Variants in SYTL5 observed in about 807,000 individuals in gnomAD.
The protein encoded by SYTL5 is synaptotagmin like 5.
A neutral mutation model predicts 55.9 loss-of-function variants in SYTL5; 34 were observed. The observed-to-expected ratio is 0.61, with a 90% CI of 0.46 to 0.81. The LOEUF (loss-of-function observed/expected upper bound fraction) is 0.81, where lower values mean the gene tolerates loss of function less well. Ranked by LOEUF, SYTL5 falls within the 30% of genes least tolerant of loss-of-function variation. The probability of loss-of-function intolerance (pLI) is 0.00; values close to 1 mark genes in which losing one functional copy is unlikely to be tolerated. For synonymous variants in SYTL5, 221 were observed against 188.7 expected, an observed-to-expected ratio of 1.17 and a Z score of -1.40; for missense variants, 637 against 546.7, an observed-to-expected ratio of 1.17 and a Z score of -1.65.
At chrX:37,979,528 A>T in the SYTL5 span, among the ~76,000 whole-genome samples, 1 of 96,989 alleles carries the variant, frequency 1.0e-5, no homozygotes, top group Non-Finnish European at 2.1e-5. Context: ...TGAATAAAGC[A>T]TACTAGATAG....
At chrX:37,915,609 G>A in the SYTL5 span, among the ~76,000 whole-genome samples, 6 of 112,244 alleles carry the variant, frequency 5.3e-5, no homozygotes, top group African/African-American at 1.9e-4. Flanking sequence ...TACAATAACT[G>A]TAATATGATA....
chrX:38,041,084 A>C (rs1045435285), intron 2 of SYTL5, among the ~76,000 whole-genome samples: 5 of 111,755 alleles, frequency 4.5e-5, no homozygotes, highest in African/African-American at 1.3e-4. Flanking sequence ...AGTAACTCCC[A>C]TTCACCTTAT....
chrX:38,044,467 A>G (rs1382780811), intron 2 of SYTL5, among the ~76,000 whole-genome samples: 2 of 112,146 alleles, frequency 1.8e-5, no homozygotes, highest in Non-Finnish European at 3.8e-5. Flanking sequence ...ATAAAAACTA[A>G]AATGGAAACC....
At chrX:37,974,156 T>C in the SYTL5 span, among the ~76,000 whole-genome samples, 2 of 111,775 alleles carry the variant, frequency 1.8e-5, no homozygotes, top group Non-Finnish European at 3.8e-5. Context: ...TTAATAATAC[T>C]GTATTGTAGA....
intron 2 of SYTL5, among the ~76,000 whole-genome samples, chrX:38,043,666 T>TATATATATATATATATATATATAC (rs1935360229): frequency 6.4e-5 from 4 of 62,523 alleles, no homozygotes; most frequent in African/African-American, 9.1e-5. Flanking sequence ...TGTATGTATA[T>TATATATATATATATATATATATAC]ATATATATAT....
At chrX:37,976,250 G>GATGTAAAT in the SYTL5 span, among the ~76,000 whole-genome samples, 1 of 112,676 alleles carries the variant, frequency 8.9e-6, no homozygotes, top group African/African-American at 3.2e-5. Context: ...ATCAAGAAAA[G>GATGTAAAT]ATGTAAATAT....
the SYTL5 span, among the ~76,000 whole-genome samples, chrX:37,921,163 A>G: frequency 2.7e-5 from 3 of 111,537 alleles, no homozygotes; most frequent in Non-Finnish European, 5.7e-5. Context: ...TATTATTCCA[A>G]TTTGGAGATA....
chrX:37,951,397 TA>T, the SYTL5 span, among the ~76,000 whole-genome samples: 2 of 111,324 alleles, frequency 1.8e-5, no homozygotes, highest in African/African-American at 3.3e-5. Flanking sequence ...TGAGTTTTTT[TA>T]AAAAAATCAG....
chrX:38,049,039 A>G (rs1399147125), intron 2 of SYTL5, among the ~76,000 whole-genome samples: 1 of 111,664 alleles, frequency 9.0e-6, no homozygotes, highest in East Asian at 2.8e-4. Context: ...GAATCTTACA[A>G]AAGATGGGAG....
chrX:37,987,675 C>T, the SYTL5 span, among the ~76,000 whole-genome samples: 2 of 111,473 alleles, frequency 1.8e-5, no homozygotes, highest in African/African-American at 6.5e-5. Flanking sequence ...CTGTCAGTGC[C>T]CTGTCCATAC....
At chrX:37,914,067 G>A in the SYTL5 span, among the ~76,000 whole-genome samples, 1 of 111,940 alleles carries the variant, frequency 8.9e-6, no homozygotes, top group South Asian at 3.7e-4. Context: ...TACATCATGA[G>A]ATCTGATAAT....
At chrX:38,040,160 C>T (rs928451812) in intron 2 of SYTL5, among the ~76,000 whole-genome samples, 4 of 101,214 alleles carry the variant, frequency 4.0e-5, no homozygotes, top group African/African-American at 8.0e-5. Context: ...GGCGACAGAG[C>T]GAGACTCCAT....
intron 14 of SYTL5, among the ~76,000 whole-genome samples, chrX:38,121,765 C>G (rs949106654): frequency 8.9e-6 from 1 of 111,997 alleles, no homozygotes; most frequent in Non-Finnish European, 1.9e-5. Context: ...AGGAATGGTG[C>G]TCCGGGAAAC....
At chrX:37,943,283 G>A in the SYTL5 span, among the ~76,000 whole-genome samples, 1 of 112,042 alleles carries the variant, frequency 8.9e-6, no homozygotes, top group Non-Finnish European at 1.9e-5. Flanking sequence ...GCTGGCTTAT[G>A]TTAAAGAAGA....
chrX:38,027,038 A>C (rs770064245), intron 1 of SYTL5, among the ~76,000 whole-genome samples: 30 of 111,832 alleles, frequency 2.7e-4, no homozygotes, highest in Non-Finnish European at 5.3e-4. Context: ...AACAGGGGTG[A>C]TGATATTCCT....
intron 6 of SYTL5, among the ~76,000 whole-genome samples, 189 bp from the exon 7 acceptor site, chrX:38,089,257 C>A (rs780371544): frequency 6.4e-4 from 72 of 111,847 alleles, no homozygotes; most frequent in African/African-American, 2.1e-3. Context: ...TGGGGACAAA[C>A]CTAGTGATCC....
At chrX:37,968,488 A>C in the SYTL5 span, among the ~76,000 whole-genome samples, 1 of 111,523 alleles carries the variant, frequency 9.0e-6, no homozygotes, top group African/African-American at 3.3e-5. Flanking sequence ...CTTCTTAAAT[A>C]GTCCTATGAT....
At chrX:37,892,685 T>A in the SYTL5 span, among the ~76,000 whole-genome samples, 12 of 86,040 alleles carry the variant, frequency 1.4e-4, no homozygotes, top group African/African-American at 5.4e-4. Context: ...TATGTATATA[T>A]TAGTATATAT....
chrX:38,055,866 T>C, intron 3 of SYTL5, among the ~76,000 whole-genome samples: 1 of 111,780 alleles, frequency 8.9e-6, no homozygotes, highest in East Asian at 2.8e-4. Context: ...ATTTATGGGG[T>C]ACATGAGATA....
Sources: gnomAD v4.1 joint callset for allele counts (sites outside exome capture counted in the v4.1 genomes callset) on GRCh38, gnomAD v4.1.1 for gene constraint, MANE v1.5 for transcripts, NCBI Gene and HGNC (gene_info 2026-07-23, HGNC 2026-07-21) for gene names.